VASH1: variants seen among roughly 807,000 people sequenced by gnomAD.
VASH1 encodes the protein tubulinyl-Tyr carboxypeptidase 1.
VASH1 carries 16 observed loss-of-function variants against 35.0 expected under a neutral mutation model. The observed-to-expected ratio is 0.46, with a 90% CI of 0.31 to 0.70. The LOEUF (loss-of-function observed/expected upper bound fraction) is 0.70. Ranked by LOEUF, VASH1 falls within the 30% of genes least tolerant of loss-of-function variation. VASH1 has a pLI of 0.05. For synonymous variants in VASH1, 214 were observed against 200.9 expected (o/e 1.07, Z -0.55); for missense variants, 505 against 510.7 (o/e 0.99, Z 0.11).
chr14:76,762,890 C>T lies in VASH1; in HGVS notation c.69C>T (p.Thr23=), dbSNP rs772083166. 4.5e-6 allele frequency: 7 copies of T among 1,555,070 alleles called. No individual in the cohort carries two copies. Among genetic ancestry groups the T allele is most frequent in the Non-Finnish European group, 4.3e-6 (5 of 1,150,382 alleles). The change falls in exon 1 of 7, where the codon ACC becomes ACT. Residue 23 remains threonine, a synonymous_variant. Transcript: ENST00000167106. The part of the protein sequence containing the change: ...SGATPTSAAA[T]APSGVRRLET... ...CCACTCCAACGTCCGCTGCGGCCAC[C>T]GCCCCCTCTGGGGTCAGGCGTTTGG...
chr14:76,778,349 G>A (rs117844953), intron 6 of VASH1, among the ~76,000 whole-genome samples: 125 of 152,292 alleles, frequency 8.2e-4, no homozygotes, highest in Non-Finnish European at 1.5e-3. Flanking sequence ...GCCCCTGCAA[G>A]GCAGTGAGCC....
chr14:76,770,844 G>T (rs1218366270), intron 2 of VASH1, among the ~76,000 whole-genome samples: 1 of 152,208 alleles, frequency 6.6e-6, no homozygotes, highest in East Asian at 1.9e-4. Context: ...GGCTGAGTTG[G>T]ACCCCCTACC....
At chr14:76,775,764 A>G in intron 4 of VASH1, 128 bp from the exon 5 acceptor site, 2 of 1,357,192 alleles carry the variant, frequency 1.5e-6, no homozygotes, top group Non-Finnish European at 2.0e-6. Flanking sequence ...GCGTATGGAG[A>G]TGAGCAGGAC....
Position 76,778,070 on chromosome 14 carries a change from C to A in VASH1, c.1024C>A (p.Arg342=), listed in dbSNP as rs145469045. Residue 342 remains arginine (R), a splice_region_variant and synonymous_variant, in exon 6 of 7, where the codon CGG becomes AGG. Transcript: ENST00000167106. The part of the protein sequence containing the change: ...PHRRNSRSER[R]PSGDKKTSEP... ...CCGCAGGAACAGCCGCAGTGAAAGA[C>A]GGTGAGAGAGGGACCACGCCTGGGT... The A allele has an allele frequency of 3.2e-5, 47 of 1,484,924 alleles. No homozygotes were observed. Among genetic ancestry groups the A allele is most frequent in the Admixed American group, 1.8e-4 (7 of 39,336 alleles). 92.0% of individuals were successfully genotyped at this position (1,484,924 alleles called of 1,614,324 possible).
At chr14:76,767,914 G>A (rs116700448) in intron 1 of VASH1, among the ~76,000 whole-genome samples, 349 of 152,344 alleles carry the variant, frequency 2.3e-3, no homozygotes, top group African/African-American at 4.8e-3. Flanking sequence ...TAGTGCTTTC[G>A]TGGGTACTGC....
At chr14:76,773,326 C>A in intron 4 of VASH1, 115 bp downstream of exon 4, 1 of 1,058,476 alleles carries the variant, frequency 9.4e-7, no homozygotes, top group Non-Finnish European at 1.4e-6. Flanking sequence ...CATATGCAGT[C>A]ATCTGCTTGG....
chr14:76,762,989 A>G lies in VASH1; in HGVS notation c.168A>G (p.Gly56=). 1.3e-6 allele frequency: 2 copies of G among 1,550,580 alleles called. No homozygotes were observed. Among genetic ancestry groups the G allele is most frequent in the South Asian group, 1.2e-5 (1 of 83,126 alleles). Residue 56 remains glycine, a synonymous_variant, in exon 1 of 7, where the codon GGA becomes GGG. Transcript: ENST00000167106. ...AAGGGGAAGAGGACCTGCGAGACGG[A>G]GGCGTCCCCTTCTTTGTCAACCGGG... is the stretch of plus-strand genomic sequence containing the variant. ...EEEGEEDLRD[G]GVPFFVNRGG... is the part of the protein sequence containing the mutation.
chr14:76,765,571 G>A (rs886563774), intron 1 of VASH1, among the ~76,000 whole-genome samples: 13 of 152,150 alleles, frequency 8.5e-5, no homozygotes, highest in East Asian at 1.9e-4. Context: ...GGCTGACCCC[G>A]CCCTTACCAT....
At chr14:76,772,992 G>A in intron 3 of VASH1, 145 bp from the exon 4 acceptor site, 1 of 658,544 alleles carries the variant, frequency 1.5e-6, no homozygotes. Context: ...GAGTGTGGAG[G>A]GAGGTGCTGG....
Position 76,762,845 on chromosome 14 carries a change from TG to T in VASH1, c.29del (p.Gly10ValfsTer141). 1.3e-6 allele frequency: 2 copies of T among 1,506,248 alleles called. No individual in the cohort carries two copies. The highest frequency in any genetic ancestry group is 8.9e-7 in the Non-Finnish European group (1 of 1,127,582). The allele number at this position is 1,506,248 out of a possible 1,614,324, so 93.3% of individuals were successfully genotyped here. On this transcript the variant is annotated frameshift_variant, in exon 1 of 7. Transcript: ENST00000167106. LOFTEE classifies it high-confidence loss of function. ...GGATGCCAGGGGGGAAGAAGGTGGC[TG>T]GGGGTGGCAGCAGCGGTGCCACTCC... MPGGKKVA[G>X]GGSSGATPTS...
At position 76,782,068 on chromosome 14, in the gene VASH1, G is replaced by C. The variant is rs758308332; in HGVS notation, c.*3050G>C. 1 of 152,184 alleles carries C rather than the reference G, an allele frequency of 6.6e-6. No homozygotes were observed. The highest frequency in any genetic ancestry group is 1.5e-5 in the Non-Finnish European group (1 of 68,062). 9.4% of individuals were successfully genotyped at this position (152,184 alleles called of 1,614,324 possible). ...TACCTGTGGAAAATGGACCAGGTTG[G>C]GGGGGTGATTGCAAAGTCTCCCCAA... On this transcript the variant is annotated 3_prime_UTR_variant, in exon 7 of 7. Coordinates refer to ENST00000167106, the MANE Select transcript of VASH1 (RefSeq NM_014909.5).
At position 76,780,757 on chromosome 14, in the gene VASH1, T is replaced by C. The variant is rs1394934815; in HGVS notation, c.*1739T>C. 1 of 152,190 alleles carries C rather than the reference T, an allele frequency of 6.6e-6. No homozygotes were observed. The highest frequency in any genetic ancestry group is 1.5e-5 in the Non-Finnish European group (1 of 68,032). The allele number at this position is 152,190 out of a possible 1,614,324, so 9.4% of individuals were successfully genotyped here. A position where few individuals can be genotyped will look rare whatever the true frequency, so the allele number is the denominator to read the frequency against. ...ATGCTGGTGATCACTTAAAAAAAAC[T>C]TAAAAACCCAATACTGGCAAAAGAG... On this transcript the variant is annotated 3_prime_UTR_variant, in exon 7 of 7. Transcript: ENST00000167106.
At position 76,779,820 on chromosome 14, in the gene VASH1, C is replaced by T; in HGVS notation, c.*802C>T. ...GGAGGGTCTGGGCTTGGCGGAGGACCCAGAATGGCACTGAGGCCAGCATGG... is the reference window on the plus strand; with the variant it reads ...GGAGGGTCTGGGCTTGGCGGAGGACTCAGAATGGCACTGAGGCCAGCATGG... On this transcript the variant is annotated 3_prime_UTR_variant, in exon 7 of 7. Coordinates refer to ENST00000167106, the MANE Select transcript of VASH1 (RefSeq NM_014909.5). 1 of 443,228 alleles carries T rather than the reference C, an allele frequency of 2.3e-6. No individual in the cohort carries two copies. The highest frequency in any genetic ancestry group is 3.6e-5 in the East Asian group (1 of 27,584). 27.5% of individuals were successfully genotyped at this position (443,228 alleles called of 1,614,324 possible). A position where few individuals can be genotyped will look rare whatever the true frequency, so the allele number is the denominator to read the frequency against.
At chr14:76,777,520 TTTTG>T (rs777056465) in intron 5 of VASH1, among the ~76,000 whole-genome samples, 4 of 152,168 alleles carry the variant, frequency 2.6e-5, no homozygotes, top group Non-Finnish European at 4.4e-5. Flanking sequence ...AGGATGACTC[TTTTG>T]TTTTTCTCAT....
intron 6 of VASH1, 34 bp from the exon 7 acceptor site, chr14:76,778,912 A>G (rs756515095): frequency 6.2e-7 from 1 of 1,607,998 alleles, no homozygotes; most frequent in South Asian, 1.1e-5. Context: ...CAGACCACTC[A>G]CTCTCCTCCC....
Position 76,779,045 on chromosome 14 carries a change from C to A in VASH1, c.*27C>A. The A allele has an allele frequency of 2.5e-6, 4 of 1,611,508 alleles. No individual in the cohort carries two copies. Among genetic ancestry groups the A allele is most frequent in the Non-Finnish European group, 3.4e-6 (4 of 1,178,266 alleles). On this transcript the variant is annotated 3_prime_UTR_variant, in exon 7 of 7. Coordinates refer to ENST00000167106, the MANE Select transcript of VASH1 (RefSeq NM_014909.5). ...GCGGATGCCAGCACCCCAGGCCCCA[C>A]CCACTCTTGGGGGCCAGGATCCACC...
chr14:76,770,766 C>T (rs1893772713), intron 2 of VASH1, among the ~76,000 whole-genome samples: 1 of 152,194 alleles, frequency 6.6e-6, no homozygotes, highest in Non-Finnish European at 1.5e-5. Context: ...ATATCGGGTC[C>T]AGCTCCTCCT....
intron 4 of VASH1, chr14:76,774,756 T>C (rs1187041426): frequency 2.0e-5 from 3 of 152,224 alleles, no homozygotes; most frequent in African/African-American, 2.4e-5. Context: ...TCAGTAAGCA[T>C]TGGTGGAATG....
At position 76,779,339 on chromosome 14, in the gene VASH1, G is replaced by A. The variant is rs758914383; in HGVS notation, c.*321G>A. ...TGCTTAACAAATCCATGTGTCATGG[G>A]GCCAGGTGAGGGAAACTGCTGGTTC... is the stretch of plus-strand genomic sequence containing the variant. On this transcript the variant is annotated 3_prime_UTR_variant, in exon 7 of 7. Coordinates refer to ENST00000167106, the MANE Select transcript of VASH1 (RefSeq NM_014909.5). The A allele has an allele frequency of 8.5e-6, 6 of 702,222 alleles. No homozygotes were observed. The South Asian group carries it at 8.9e-5, about 10-fold the overall frequency. 43.5% of individuals were successfully genotyped at this position (702,222 alleles called of 1,614,324 possible).
Sources: allele counts gnomAD v4.1 joint callset (sites outside exome capture counted in the v4.1 genomes callset), GRCh38; gene constraint gnomAD v4.1.1; transcripts MANE v1.5; gene names NCBI Gene and HGNC (gene_info 2026-07-23, HGNC 2026-07-21).